PAX3: variants seen among roughly 807,000 people sequenced by gnomAD.
PAX3 encodes paired box protein Pax-3.
Under a neutral mutation model 51.6 loss-of-function variants are expected in PAX3, and 14 were observed. That is an observed-to-expected ratio of 0.27 (90% CI 0.18 to 0.42). PAX3 has a LOEUF of 0.42. Among genes scored for constraint, PAX3 ranks in the 10% least tolerant of loss-of-function variants. PAX3 has a pLI of 1.00. For missense variants in PAX3, 540 were observed against 642.8 expected, an observed-to-expected ratio of 0.84 and a Z score of 1.73; for synonymous variants, 280 against 253.4, an observed-to-expected ratio of 1.11 and a Z score of -1.00.
intron 4 of PAX3, chr2:222,262,870 A>ACAG (rs1693916510): frequency 6.6e-6 from 1 of 152,194 alleles, no homozygotes; most frequent in Admixed American, 6.5e-5. Context: ...ATGCAACTGA[A>ACAG]TGGAGAAAGG....
intron 4 of PAX3, among the ~76,000 whole-genome samples, chr2:222,244,185 C>T (rs987941637): frequency 1.3e-5 from 2 of 152,188 alleles, no homozygotes; most frequent in African/African-American, 4.8e-5. Context: ...GTAGGGACAG[C>T]TGCTTTTTGA....
intron 7 of PAX3, among the ~76,000 whole-genome samples, chr2:222,212,074 A>G (rs1257440549): frequency 1.3e-5 from 2 of 152,150 alleles, no homozygotes; most frequent in Non-Finnish European, 2.9e-5. Context: ...TCAACAAGGT[A>G]TAAATATAAT....
chr2:222,295,487 C>A (rs1348155238), intron 3 of PAX3, 41 bp downstream of exon 3: 1 of 1,612,962 alleles, frequency 6.2e-7, no homozygotes, highest in Non-Finnish European at 8.5e-7. Context: ...GTAATAGCGA[C>A]TGACTGTCGC....
Position 222,201,171 on chromosome 2 carries a change from C to G in PAX3, c.*237G>C. ...CATTGCCTTAAAATGTTGCATTTGT[C>G]TTTTATTGCTCCAGGTCTTCCTCTT... is the stretch of plus-strand genomic sequence containing the variant. On this transcript the variant is annotated 3_prime_UTR_variant, in exon 9 of 9. Coordinates refer to ENST00000392070, the MANE Select transcript of PAX3 (RefSeq NM_181458.4). 6.2e-7 allele frequency: 1 copy of G among 1,613,902 alleles called. No homozygotes were observed. Among genetic ancestry groups the G allele is most frequent in the Non-Finnish European group, 8.5e-7 (1 of 1,179,938 alleles).
chr2:222,293,779 C>T (rs1695137220), intron 4 of PAX3: 1 of 1,614,128 alleles, frequency 6.2e-7, no homozygotes, highest in African/African-American at 1.3e-5. Flanking sequence ...AAAGCTACTT[C>T]AACTTCTGAA....
intron 4 of PAX3, among the ~76,000 whole-genome samples, chr2:222,262,076 T>G (rs1301585293): frequency 6.6e-6 from 1 of 152,264 alleles, no homozygotes; most frequent in African/African-American, 2.4e-5. Context: ...GAATGCCAGA[T>G]AAGTAGAATC....
chr2:222,221,035 A>G lies in PAX3; in HGVS notation c.958+187T>C, dbSNP rs555902434. Among the ~76,000 whole-genome samples, 33 of 152,378 alleles carry G rather than the reference A, an allele frequency of 2.2e-4. No individual in the cohort carries two copies. In the South Asian group the frequency reaches 6.6e-3, roughly 31 times the overall value. On this transcript the variant is annotated intron_variant, in intron 6 of 8. Coordinates refer to ENST00000392070, the MANE Select transcript of PAX3 (RefSeq NM_181458.4). ...AATTATATTACAGCACAGTTTATCT[A>G]GAGATATTCTGATACATCATAGAAC... is the stretch of plus-strand genomic sequence containing the variant.
chr2:222,204,031 G>T (rs1305019437), intron 7 of PAX3, among the ~76,000 whole-genome samples: 3 of 152,076 alleles, frequency 2.0e-5, no homozygotes, highest in Non-Finnish European at 4.4e-5. Context: ...GACATCCCAG[G>T]AATCTAAGAT....
rs1692695305 is a variant in PAX3 at position 222,233,671 on chromosome 2, G to A, written c.587-1388C>T. Among the ~76,000 whole-genome samples, 3 of 152,140 alleles carry A rather than the reference G, an allele frequency of 2.0e-5. No individual in the cohort carries two copies. The South Asian group carries it at 6.2e-4, about 32-fold the overall frequency. ...TCCCGGGACCCCAGATACTGGGGTAGTGGGCAAAGATCTATCAAAGGGTTA... is the reference window on the plus strand; with the variant it reads ...TCCCGGGACCCCAGATACTGGGGTAATGGGCAAAGATCTATCAAAGGGTTA... On this transcript the variant is annotated intron_variant, in intron 4 of 8. Coordinates refer to ENST00000392070, the MANE Select transcript of PAX3 (RefSeq NM_181458.4).
rs76222306 is a variant in PAX3, at chr2:222,239,822, C to CAAA, written c.587-7542_587-7540dup. ...CCAGCAAAAGACTCTTTAGCAAGTGCAAAAAAAAAAAAAATAGAATTTTTG... is the reference window on the plus strand; with the variant it reads ...CCAGCAAAAGACTCTTTAGCAAGTGCAAAAAAAAAAAAAAAAATAGAATTTTTG... On this transcript the variant is annotated intron_variant, in intron 4 of 8. Transcript: ENST00000392070. Among the ~76,000 whole-genome samples, 232 of 133,844 alleles carry CAAA rather than the reference C, an allele frequency of 1.7e-3. 1 individual carries two copies. Among genetic ancestry groups the CAAA allele is most frequent in the African/African-American group, 5.5e-3 (209 of 38,102 alleles). The allele number at this position is 133,844 out of a possible 152,430, so 87.8% of individuals were successfully genotyped here. A position where few individuals can be genotyped will look rare whatever the true frequency, so the allele number is the denominator to read the frequency against.
intron 7 of PAX3, among the ~76,000 whole-genome samples, chr2:222,208,153 AT>A (rs1274707679): frequency 6.6e-6 from 1 of 152,122 alleles, no homozygotes; most frequent in Non-Finnish European, 1.5e-5. Flanking sequence ...GTATTTGACT[AT>A]GTTAGACCCA....
intron 4 of PAX3, among the ~76,000 whole-genome samples, chr2:222,249,019 G>T (rs775244240): frequency 6.6e-6 from 1 of 152,056 alleles, no homozygotes; most frequent in Non-Finnish European, 1.5e-5. Context: ...AAACAAGGAG[G>T]CTCTTTCTTG....
intron 4 of PAX3, among the ~76,000 whole-genome samples, chr2:222,276,178 G>T (rs114872960): frequency 0.012 from 1,846 of 152,254 alleles, 36 homozygotes; most frequent in African/African-American, 0.041. Context: ...GCAGAATCAT[G>T]TGCAACCCAT....
At chr2:222,228,771 C>CA (rs1692475453) in intron 5 of PAX3, among the ~76,000 whole-genome samples, 1 of 151,878 alleles carries the variant, frequency 6.6e-6, no homozygotes, top group Middle Eastern at 3.4e-3. Context: ...CCCAGCTCTA[C>CA]AAAAAAATAG....
chr2:222,267,320 C>A (rs889300968), intron 4 of PAX3, among the ~76,000 whole-genome samples: 2 of 152,108 alleles, frequency 1.3e-5, no homozygotes, highest in African/African-American at 4.8e-5. Context: ...TCCCTTTGCA[C>A]GTCACTGATT....
At chr2:222,228,539 C>T (rs1416461593) in intron 5 of PAX3, among the ~76,000 whole-genome samples, 7 of 152,096 alleles carry the variant, frequency 4.6e-5, no homozygotes, top group Admixed American at 4.6e-4. Context: ...AGAACAACAC[C>T]GAACACTCCT....
chr2:222,219,626 G>A (rs1227640468), intron 7 of PAX3, among the ~76,000 whole-genome samples: 1 of 152,146 alleles, frequency 6.6e-6, no homozygotes, highest in African/African-American at 2.4e-5. Flanking sequence ...TTATTCCAGA[G>A]TTCGTAGTCA....
At chr2:222,206,001 G>A (rs1000337295) in intron 7 of PAX3, among the ~76,000 whole-genome samples, 1 of 152,010 alleles carries the variant, frequency 6.6e-6, no homozygotes, top group Non-Finnish European at 1.5e-5. Context: ...TTTTATGCAC[G>A]CTTTTCCTAC....
At chr2:222,285,459 G>A (rs1445864413) in intron 4 of PAX3, among the ~76,000 whole-genome samples, 2 of 152,192 alleles carry the variant, frequency 1.3e-5, no homozygotes, top group South Asian at 2.1e-4. Context: ...AGGGTAGGGG[G>A]CGAAGAGGGA....
Sources: allele counts gnomAD v4.1 joint callset (sites outside exome capture counted in the v4.1 genomes callset), GRCh38; gene constraint gnomAD v4.1.1; transcripts MANE v1.5; gene names NCBI Gene and HGNC (gene_info 2026-07-23, HGNC 2026-07-21).